Variants in MGST2 observed in about 807,000 individuals in gnomAD.
MGST2 encodes the protein glutathione peroxidase MGST2.
MGST2 carries 9 observed loss-of-function variants against 16.6 expected under a neutral mutation model. The ratio of observed to expected loss-of-function variants is 0.54; its 90% CI spans 0.33 to 0.95. The LOEUF (loss-of-function observed/expected upper bound fraction) is 0.95. Among genes scored for constraint, MGST2 ranks in the 40% least tolerant of loss-of-function variants. MGST2 has a pLI of 0.03. For synonymous variants in MGST2, 79 were observed against 68.0 expected (o/e 1.16, Z -0.79); for missense variants, 159 against 175.1 (o/e 0.91, Z 0.52).
At chr4:139,693,011 A>C (rs1726701010) in intron 2 of MGST2, among the ~76,000 whole-genome samples, 1 of 152,262 alleles carries the variant, frequency 6.6e-6, no homozygotes, top group Admixed American at 6.5e-5. Flanking sequence ...AATTTTGAAT[A>C]AAGATATGTT....
intron 3 of MGST2, among the ~76,000 whole-genome samples, chr4:139,696,420 C>T (rs564823476): frequency 2.0e-5 from 3 of 152,190 alleles, no homozygotes; most frequent in South Asian, 4.1e-4. Flanking sequence ...AGACTTGAAT[C>T]ATCAGAACCC....
At chr4:139,671,117 C>CCTTAATCCTGGGCAGG (rs1317882000) in intron 1 of MGST2, among the ~76,000 whole-genome samples, 7 of 152,170 alleles carry the variant, frequency 4.6e-5, no homozygotes, top group Admixed American at 3.3e-4. Context: ...TTATGATCCC[C>CCTTAATCCTGGGCAGG]ATTTTAACCT....
At chr4:139,725,831 A>G in intron 5 of MGST2, 2 of 1,613,832 alleles carry the variant, frequency 1.2e-6, no homozygotes, top group Non-Finnish European at 1.7e-6. Flanking sequence ...TGATTGCTGC[A>G]ACTGCTAGAA....
At chr4:139,667,799 A>G (rs4863670) in intron 1 of MGST2, among the ~76,000 whole-genome samples, 87,477 of 151,888 alleles carry the variant, frequency 0.58, 26,968 homozygotes, top group East Asian at 0.86. Context: ...GGGAGGTTGC[A>G]GTGGACTGAG....
intron 2 of MGST2, among the ~76,000 whole-genome samples, chr4:139,682,202 A>G (rs536385343): frequency 6.6e-6 from 1 of 151,704 alleles, no homozygotes; most frequent in South Asian, 2.1e-4. Flanking sequence ...ACTCAAAATG[A>G]AAGAGAAAAT....
Position 139,688,369 on chromosome 4 carries a change from G to A in MGST2, c.159-6828G>A, listed in dbSNP as rs534017772. Among the ~76,000 whole-genome samples, 4 of 152,220 alleles carry A rather than the reference G, an allele frequency of 2.6e-5. No individual in the cohort carries two copies. In the East Asian group the frequency reaches 5.8e-4, roughly 22 times the overall value. On this transcript the variant is annotated intron_variant, in intron 2 of 4. Coordinates refer to ENST00000265498, the MANE Select transcript of MGST2 (RefSeq NM_002413.5). ...ACAGAAGAATTGCTTCTTAGTTCTT[G>A]TGAATGCACTCCTATTTGCTTAATG...
intron 1 of MGST2, among the ~76,000 whole-genome samples, chr4:139,667,235 G>A (rs143120492): frequency 6.6e-6 from 1 of 152,158 alleles, no homozygotes; most frequent in African/African-American, 2.4e-5. Flanking sequence ...TATAGTTCAC[G>A]ATGTACGGAG....
chr4:139,720,745 A>G (rs1272129267), intron 5 of MGST2, among the ~76,000 whole-genome samples: 2 of 152,224 alleles, frequency 1.3e-5, no homozygotes, highest in African/African-American at 2.4e-5. Context: ...TCCTCAACCA[A>G]TAAGATACTA....
intron 1 of MGST2, among the ~76,000 whole-genome samples, chr4:139,670,229 G>A (rs1352502163): frequency 8.0e-6 from 1 of 124,702 alleles, no homozygotes; most frequent in Non-Finnish European, 1.6e-5. Flanking sequence ...ATTTTGAGGT[G>A]TAATATTCTG....
chr4:139,670,283 A>T (rs925209889), intron 1 of MGST2, among the ~76,000 whole-genome samples: 5 of 151,398 alleles, frequency 3.3e-5, no homozygotes, highest in Non-Finnish European at 7.4e-5. Flanking sequence ...TAACAGAAAT[A>T]CCAAACTCTG....
chr4:139,683,232 T>C (rs1206252301), intron 2 of MGST2, among the ~76,000 whole-genome samples: 1 of 152,178 alleles, frequency 6.6e-6, no homozygotes, highest in Non-Finnish European at 1.5e-5. Flanking sequence ...GAGATAGCAG[T>C]GAAATGATGG....
At chr4:139,706,299 C>T (rs1346234998), downstream of MGST2, among the ~76,000 whole-genome samples, 1 of 152,142 alleles carries the variant, frequency 6.6e-6, no homozygotes, top group Non-Finnish European at 1.5e-5. Flanking sequence ...GGTTGTGAAT[C>T]AAAGAAGTGA....
At chr4:139,708,768 C>T (rs190388932), downstream of MGST2, among the ~76,000 whole-genome samples, 26 of 151,996 alleles carry the variant, frequency 1.7e-4, no homozygotes, top group Admixed American at 5.2e-4. Flanking sequence ...TTTGGGAGGC[C>T]GAGGTGGGTG....
chr4:139,668,441 A>G (rs900552918), intron 1 of MGST2, among the ~76,000 whole-genome samples: 9 of 152,332 alleles, frequency 5.9e-5, no homozygotes, highest in African/African-American at 1.9e-4. Context: ...TGACAAAGAA[A>G]TATATTTTAG....
At chr4:139,694,840 G>A (rs1726824802) in intron 2 of MGST2, among the ~76,000 whole-genome samples, 1 of 152,218 alleles carries the variant, frequency 6.6e-6, no homozygotes, top group Non-Finnish European at 1.5e-5. Flanking sequence ...GGCAATGGAT[G>A]TGAGGGAATT....
chr4:139,725,063 G>A (rs1728410393), intron 5 of MGST2, among the ~76,000 whole-genome samples: 1 of 152,100 alleles, frequency 6.6e-6, no homozygotes, highest in African/African-American at 2.4e-5. Flanking sequence ...CCGGCCAAGG[G>A]CTCTCTCTAT....
At chr4:139,722,174 G>T (rs568884210) in intron 5 of MGST2, among the ~76,000 whole-genome samples, 3 of 152,158 alleles carry the variant, frequency 2.0e-5, no homozygotes, top group Admixed American at 6.5e-5. Flanking sequence ...GGGCAGAAGC[G>T]TTACAATGCT....
chr4:139,723,406 G>A (rs1157197614), intron 5 of MGST2, among the ~76,000 whole-genome samples: 2 of 152,160 alleles, frequency 1.3e-5, no homozygotes, highest in Admixed American at 6.5e-5. Context: ...TGCCTCCTGA[G>A]TTCAAGCAAT....
At chr4:139,695,584 T>TA (rs1726870818) in intron 3 of MGST2, among the ~76,000 whole-genome samples, 2 of 152,002 alleles carry the variant, frequency 1.3e-5, no homozygotes, top group African/African-American at 4.8e-5. Context: ...ATCGTGCCAC[T>TA]ACACTCCAGT....
Sources: gnomAD v4.1 joint callset for allele counts (sites outside exome capture counted in the v4.1 genomes callset) on GRCh38, gnomAD v4.1.1 for gene constraint, MANE v1.5 for transcripts, NCBI Gene and HGNC (gene_info 2026-07-23, HGNC 2026-07-21) for gene names.